Variants in CS observed in about 807,000 individuals in gnomAD.
CS encodes citrate synthase.
A neutral mutation model predicts 61.4 loss-of-function variants in CS; 13 were observed. The ratio of observed to expected loss-of-function variants is 0.21; its 90% confidence interval spans 0.14 to 0.34. CS has a LOEUF of 0.34. Among genes scored for constraint, CS ranks in the 10% least tolerant of loss-of-function variants. The probability of loss-of-function intolerance (pLI) is 1.00; values close to 1 mark genes in which losing one functional copy is unlikely to be tolerated. For synonymous variants in CS, 159 were observed against 215.2 expected (o/e 0.74, Z 2.29); for missense variants, 278 against 573.4 (o/e 0.48, Z 5.26).
intron 1 of CS, among the ~76,000 whole-genome samples, chr12:56,287,739 C>T (rs184044201): frequency 2.0e-3 from 303 of 152,260 alleles, no homozygotes; most frequent in Non-Finnish European, 3.4e-3. Flanking sequence ...ACCGCAACCT[C>T]AGCCTTCTGG....
intron 6 of CS, among the ~76,000 whole-genome samples, chr12:56,279,537 C>T (rs1221864123): frequency 2.6e-5 from 4 of 151,548 alleles, no homozygotes; most frequent in African/African-American, 4.9e-5. Context: ...GAGGCTGAGG[C>T]GGGTGGATCA....
At chr12:56,296,910 A>C (rs1873324065) in intron 1 of CS, among the ~76,000 whole-genome samples, 1 of 152,188 alleles carries the variant, frequency 6.6e-6, no homozygotes, top group Non-Finnish European at 1.5e-5. Context: ...ACCTTTAAAA[A>C]ATTTGGGCTT....
chr12:56,282,714 C>T (rs558935334), intron 5 of CS, 106 bp from the exon 6 acceptor site: 2 of 1,519,456 alleles, frequency 1.3e-6, no homozygotes, highest in African/African-American at 1.4e-5. Context: ...GAGGTCAACC[C>T]AATCCATTTA....
chr12:56,286,706 G>T (rs1434438709), intron 1 of CS, 61 bp from the exon 2 acceptor site: 2 of 1,442,106 alleles, frequency 1.4e-6, no homozygotes, highest in African/African-American at 1.4e-5. Flanking sequence ...ATATTAACAA[G>T]AAGGAATTAC....
intron 7 of CS, chr12:56,275,362 C>G (rs528978512): frequency 2.4e-5 from 11 of 467,826 alleles, no homozygotes; most frequent in African/African-American, 2.2e-4. Flanking sequence ...ATCATGAGGT[C>G]AAGAGATCAA....
intron 6 of CS, among the ~76,000 whole-genome samples, chr12:56,277,523 G>A (rs551029401): frequency 6.6e-6 from 1 of 151,276 alleles, no homozygotes; most frequent in South Asian, 2.1e-4. Context: ...AAAGACACTA[G>A]GTTTTAATAA....
rs754336798 is a variant in CS at position 56,283,758 on chromosome 12, A to T, written c.267+34T>A. The T allele has an allele frequency of 3.9e-6, 6 of 1,540,310 alleles. No individual in the cohort carries two copies. In the Admixed American group the frequency reaches 6.7e-5, roughly 17 times the overall value. On this transcript the variant is annotated intron_variant, in intron 4 of 10. Coordinates refer to ENST00000351328, the MANE Select transcript of CS (RefSeq NM_004077.3). ...CGGTTTGCGTATTTGCACAAACTCA[A>T]TGATTATTAGTAATTGACATGAAGA... is the stretch of plus-strand genomic sequence containing the variant.
chr12:56,280,330 G>C (rs1360346115), intron 6 of CS, among the ~76,000 whole-genome samples: 1 of 148,390 alleles, frequency 6.7e-6, no homozygotes, highest in African/African-American at 2.5e-5. Flanking sequence ...CAGGAGAATT[G>C]TGTGAACCCA....
Position 56,297,935 on chromosome 12 carries a change from T to C in CS, c.42+2225A>G, listed in dbSNP as rs570077085. Among the ~76,000 whole-genome samples the C allele has an allele frequency of 3.3e-5, 5 of 152,312 alleles. No homozygotes were observed. The East Asian group carries it at 5.8e-4, about 18-fold the overall frequency. On this transcript the variant is annotated intron_variant, in intron 1 of 10. Coordinates refer to ENST00000351328, the MANE Select transcript of CS (RefSeq NM_004077.3). ...CAAGCTTCTTGGTACCCTGGTCATA[T>C]TGCTTATTTCTCAGGAGATTTCCAG...
In CS at chr12:56,296,891, T is replaced by C. The variant is rs781664021; in HGVS notation, c.42+3269A>G. 2.6e-5 allele frequency among the ~76,000 whole-genome samples: 4 copies of C among 152,192 alleles called. No homozygotes were observed. The East Asian group carries it at 7.7e-4, about 29-fold the overall frequency. ...TAGTCAAAGTGAGGGCACAGAGATA[T>C]GAGCCCTTACCTTTAAAAAATTTGG... On this transcript the variant is annotated intron_variant, in intron 1 of 10. Coordinates refer to ENST00000351328, the MANE Select transcript of CS (RefSeq NM_004077.3).
At chr12:56,288,263 C>G (rs1261606351) in intron 1 of CS, among the ~76,000 whole-genome samples, 1 of 151,788 alleles carries the variant, frequency 6.6e-6, no homozygotes, top group Non-Finnish European at 1.5e-5. Context: ...GGCACCTTTT[C>G]TAGTAACTAC....
intron 6 of CS, 76 bp downstream of exon 6, chr12:56,282,344 G>T: frequency 8.3e-7 from 1 of 1,211,924 alleles, no homozygotes; most frequent in Non-Finnish European, 1.1e-6. Flanking sequence ...TAAAGATTCT[G>T]TATTTTTTCC....
rs546973689 is a variant in CS at position 56,277,325 on chromosome 12, C to T, written c.589-1130G>A. On this transcript the variant is annotated intron_variant, in intron 6 of 10. Transcript: ENST00000351328. ...CCATCCTGGCTAACACGGTGAAACCCCGTCTCTACTAAAAATACAAAAAAT... is the reference window on the plus strand; with the variant it reads ...CCATCCTGGCTAACACGGTGAAACCTCGTCTCTACTAAAAATACAAAAAAT... Among the ~76,000 whole-genome samples the T allele has an allele frequency of 1.4e-4, 21 of 148,034 alleles. No individual in the cohort carries two copies. The South Asian group carries it at 4.6e-3, about 32-fold the overall frequency.
chr12:56,284,714 C>G (rs1267068793), intron 3 of CS, among the ~76,000 whole-genome samples: 1 of 142,836 alleles, frequency 7.0e-6, no homozygotes, highest in Non-Finnish European at 1.5e-5. Context: ...TCCTGGCCAA[C>G]ATGGTGAAAC....
At chr12:56,300,055 C>G in intron 1 of CS, 105 bp downstream of exon 1, 1 of 1,161,232 alleles carries the variant, frequency 8.6e-7, no homozygotes, top group Non-Finnish European at 1.2e-6. Context: ...CCCTTTAAGG[C>G]GCGCAGGGTG....
At chr12:56,299,339 C>T (rs1430259985) in intron 1 of CS, among the ~76,000 whole-genome samples, 1 of 152,124 alleles carries the variant, frequency 6.6e-6, no homozygotes, top group Non-Finnish European at 1.5e-5. Flanking sequence ...AAGTAAAGGA[C>T]CCCAAAGAAG....
chr12:56,298,727 T>C (rs1174810361), intron 1 of CS: 1 of 969,174 alleles, frequency 1.0e-6, no homozygotes, highest in African/African-American at 1.8e-5. Context: ...AAATTTCACT[T>C]TGTGCCAACC....
chr12:56,287,876 T>G (rs1481980924), intron 1 of CS, among the ~76,000 whole-genome samples: 1 of 152,128 alleles, frequency 6.6e-6, no homozygotes, highest in Admixed American at 6.6e-5. Flanking sequence ...CACGCTGGTC[T>G]CAAACTCCTG....
intron 1 of CS, among the ~76,000 whole-genome samples, chr12:56,288,735 A>T (rs1416780169): frequency 6.6e-6 from 1 of 151,454 alleles, no homozygotes; most frequent in Non-Finnish European, 1.5e-5. Flanking sequence ...TGTAGCCTTC[A>T]ATTCCTGGGC....
Sources: gnomAD v4.1 joint callset for allele counts (sites outside exome capture counted in the v4.1 genomes callset) on GRCh38, gnomAD v4.1.1 for gene constraint, MANE v1.5 for transcripts, NCBI Gene and HGNC (gene_info 2026-07-23, HGNC 2026-07-21) for gene names.